The following NRG1 variants were observed in gnomAD, a reference collection of about 807,000 sequenced individuals.
NRG1 encodes the protein neuregulin 1, also known as pro-neuregulin-1, membrane-bound isoform.
In NRG1, 18 loss-of-function variants were observed where a neutral mutation model predicts 63.8. The observed-to-expected ratio is 0.28, with a 90% CI of 0.19 to 0.42. The LOEUF (loss-of-function observed/expected upper bound fraction) is 0.42, where lower values mean the gene tolerates loss of function less well. Ranked by LOEUF, NRG1 falls within the 10% of genes least tolerant of loss-of-function variation. The pLI is 1.00. For synonymous variants in NRG1, 302 were observed against 301.3 expected, an observed-to-expected ratio of 1.00 and a Z score of -0.02; for missense variants, 762 against 814.7, an observed-to-expected ratio of 0.94 and a Z score of 0.79.
At chr8:32,733,363 TATA>T (rs1824224664) in intron 6 of NRG1, among the ~76,000 whole-genome samples, 1 of 152,138 alleles carries the variant, frequency 6.6e-6, no homozygotes, top group Admixed American at 6.6e-5. Context: ...TATACATTAT[TATA>T]AGAGACAGGT....
intron 1 of NRG1, among the ~76,000 whole-genome samples, chr8:32,158,592 G>A (rs1444945666): frequency 6.6e-6 from 1 of 150,742 alleles, no homozygotes; most frequent in African/African-American, 2.4e-5. Flanking sequence ...AGAAAAATTT[G>A]GCCAAGAGAT....
At position 31,879,329 on chromosome 8, in the gene NRG1, T is replaced by C. The variant is rs186614556; in HGVS notation, c.37+239898T>C. ...CAGAGAAGAGGGAAAACTAGATTAC[T>C]AGAATGTAATCTGTTTAAGTCTTGT... On this transcript the variant is annotated intron_variant, in intron 1 of 10. Transcript: ENST00000519301. Among the ~76,000 whole-genome samples, 77 of 152,342 alleles carry C rather than the reference T, an allele frequency of 5.1e-4. 1 individual carries two copies. Among genetic ancestry groups the C allele is most frequent in the African/African-American group, 1.6e-3 (67 of 41,586 alleles).
chr8:31,725,808 A>G (rs1161983228), intron 1 of NRG1, among the ~76,000 whole-genome samples: 2 of 152,202 alleles, frequency 1.3e-5, no homozygotes, highest in East Asian at 3.9e-4. Context: ...GGTTTTATAC[A>G]GCTATTACAG....
intron 1 of NRG1, among the ~76,000 whole-genome samples, chr8:31,899,907 T>C (rs959464372): frequency 2.0e-5 from 3 of 152,170 alleles, no homozygotes; most frequent in Non-Finnish European, 4.4e-5. Flanking sequence ...TACTGACTGG[T>C]CATCGGTTTT....
chr8:32,265,576 C>T (rs1290916865), intron 1 of NRG1, among the ~76,000 whole-genome samples: 1 of 152,050 alleles, frequency 6.6e-6, no homozygotes, highest in Non-Finnish European at 1.5e-5. Flanking sequence ...GGTGCAATAG[C>T]TCACACCTAT....
At chr8:32,209,904 C>T (rs531324439) in intron 1 of NRG1, among the ~76,000 whole-genome samples, 1 of 152,210 alleles carries the variant, frequency 6.6e-6, no homozygotes, top group Admixed American at 6.5e-5. Context: ...TTCTGGGTCT[C>T]TTTGTTATAC....
In NRG1 at chr8:31,802,409, A is replaced by G. The variant is rs564361934; in HGVS notation, c.37+162978A>G. On this transcript the variant is annotated intron_variant, in intron 1 of 10. Coordinates refer to the NRG1 transcript ENST00000519301. ...TACTCTGTGTTTAAATTCCTCGTACATACAAGCAGGTTTTGGGTGTTACAT... is the reference window on the plus strand; with the variant it reads ...TACTCTGTGTTTAAATTCCTCGTACGTACAAGCAGGTTTTGGGTGTTACAT... Among the ~76,000 whole-genome samples, 5 of 152,296 alleles carry G rather than the reference A, an allele frequency of 3.3e-5. No homozygotes were observed. The East Asian group carries it at 9.7e-4, about 30-fold the overall frequency.
intron 1 of NRG1, among the ~76,000 whole-genome samples, chr8:32,539,311 G>C (rs1832343286): frequency 6.6e-6 from 1 of 152,156 alleles, no homozygotes. Context: ...GGGATGGCTG[G>C]GGGTGTGAAC....
chr8:31,972,002 A>G (rs1056348481), intron 1 of NRG1, among the ~76,000 whole-genome samples: 1 of 152,158 alleles, frequency 6.6e-6, no homozygotes, highest in African/African-American at 2.4e-5. Flanking sequence ...CTTTAAGGAC[A>G]CCAACTCCTT....
rs539301392 is a variant in NRG1 at position 32,737,905 on chromosome 8, T to G, written c.633-4770T>G. On this transcript the variant is annotated intron_variant, in intron 6 of 11. Transcript: ENST00000356819. The stretch of plus-strand genomic sequence containing the variant: ...CCAGGCTTGTCCTGAACTCCTGGCC[T>G]CAAGTGATCAGCCCACCTTGGCTTC... Among the ~76,000 whole-genome samples, 367 of 152,182 alleles carry G rather than the reference T, an allele frequency of 2.4e-3. 2 individuals carry two copies. The highest frequency in any genetic ancestry group is 2.7e-3 in the Non-Finnish European group (187 of 68,016).
At chr8:32,381,935 A>C (rs2129483385) in intron 1 of NRG1, among the ~76,000 whole-genome samples, 1 of 152,350 alleles carries the variant, frequency 6.6e-6, no homozygotes. Context: ...GACATCTAAA[A>C]GTGAAAAGCA....
At chr8:32,174,372 G>A (rs374214483) in intron 1 of NRG1, among the ~76,000 whole-genome samples, 2 of 152,040 alleles carry the variant, frequency 1.3e-5, no homozygotes, top group South Asian at 4.1e-4. Flanking sequence ...ATGCCCACAA[G>A]AGAAAGCAGG....
intron 5 of NRG1, among the ~76,000 whole-genome samples, chr8:32,631,289 G>T (rs906710669): frequency 2.0e-5 from 3 of 152,168 alleles, no homozygotes; most frequent in Admixed American, 2.0e-4. Context: ...GTGATCTCCT[G>T]AATTGTGCTT....
chr8:32,119,706 G>T (rs1224145828), intron 1 of NRG1, among the ~76,000 whole-genome samples: 2 of 151,962 alleles, frequency 1.3e-5, no homozygotes, highest in Admixed American at 1.3e-4. Flanking sequence ...AATTGGAAAT[G>T]ACACCCAGGA....
chr8:32,157,806 G>T (rs1315089394), intron 1 of NRG1, among the ~76,000 whole-genome samples: 1 of 151,872 alleles, frequency 6.6e-6, no homozygotes. Flanking sequence ...AAATAAGAGA[G>T]AAGTCAGTAA....
chr8:32,018,521 G>A (rs1029821458), intron 1 of NRG1, among the ~76,000 whole-genome samples: 2 of 152,098 alleles, frequency 1.3e-5, no homozygotes, highest in African/African-American at 4.8e-5. Flanking sequence ...ATAGATTGTT[G>A]CAGAAAATAT....
intron 1 of NRG1, among the ~76,000 whole-genome samples, chr8:32,126,342 A>G (rs1414308825): frequency 6.6e-6 from 1 of 151,890 alleles, no homozygotes; most frequent in Non-Finnish European, 1.5e-5. Context: ...GCTGGAAAGC[A>G]AATAGTATAT....
At chr8:32,162,239 A>C (rs575305136) in intron 1 of NRG1, among the ~76,000 whole-genome samples, 2 of 152,356 alleles carry the variant, frequency 1.3e-5, no homozygotes, top group South Asian at 4.1e-4. Context: ...ATTTGATCTC[A>C]GAAAGAATTT....
chr8:31,770,235 G>T (rs1050950829), intron 1 of NRG1, among the ~76,000 whole-genome samples: 4 of 152,140 alleles, frequency 2.6e-5, no homozygotes, highest in Non-Finnish European at 2.9e-5. Context: ...ACACGTGTGA[G>T]TTAAGAAAAA....
Sources: allele counts gnomAD v4.1 joint callset (sites outside exome capture counted in the v4.1 genomes callset), GRCh38; gene constraint gnomAD v4.1.1; transcripts MANE v1.5; gene names NCBI Gene and HGNC (gene_info 2026-07-23, HGNC 2026-07-21).